MAGI2: variants seen among roughly 807,000 people sequenced by gnomAD.
MAGI2 encodes membrane-associated guanylate kinase, WW and PDZ domain-containing protein 2.
A neutral mutation model predicts 133.3 loss-of-function variants in MAGI2; 35 were observed. The ratio of observed to expected loss-of-function variants is 0.26; its 90% CI spans 0.20 to 0.35. The LOEUF (loss-of-function observed/expected upper bound fraction) is 0.35. Ranked by LOEUF, MAGI2 falls within the 10% of genes least tolerant of loss-of-function variation. The pLI, the probability that MAGI2 is intolerant of heterozygous loss-of-function variation, is 1.00. For missense variants in MAGI2, 1,636 were observed against 1,863.4 expected (o/e 0.88, Z 2.25); for synonymous variants, 729 against 710.6 (o/e 1.03, Z -0.41).
intron 1 of MAGI2, among the ~76,000 whole-genome samples, chr7:79,210,465 A>G (rs1304409322): frequency 6.6e-6 from 1 of 152,050 alleles, no homozygotes; most frequent in Non-Finnish European, 1.5e-5. Flanking sequence ...TCTTTAAAAA[A>G]TATGTGTGAT....
chr7:79,222,881 G>A (rs543219642), intron 1 of MAGI2, among the ~76,000 whole-genome samples: 2 of 151,308 alleles, frequency 1.3e-5, no homozygotes, highest in Non-Finnish European at 2.9e-5. Context: ...TTGTTTTTTT[G>A]TTTGTTTGTT....
intron 9 of MAGI2, among the ~76,000 whole-genome samples, chr7:78,333,863 C>T (rs1045743859): frequency 1.3e-5 from 2 of 152,182 alleles, no homozygotes; most frequent in Non-Finnish European, 2.9e-5. Context: ...TGAGTGAGAT[C>T]GCAGAATCAT....
chr7:78,411,821 T>G (rs374827617), intron 6 of MAGI2, among the ~76,000 whole-genome samples: 1 of 152,042 alleles, frequency 6.6e-6, no homozygotes, highest in South Asian at 2.1e-4. Context: ...TATCAAACCC[T>G]GATTCTTGAC....
intron 6 of MAGI2, among the ~76,000 whole-genome samples, chr7:78,409,270 C>T (rs997791502): frequency 6.6e-6 from 1 of 152,004 alleles, no homozygotes; most frequent in South Asian, 2.1e-4. Context: ...ATTTCTACAG[C>T]GCAGAATGCT....
chr7:78,743,943 C>T (rs959674977), intron 2 of MAGI2, among the ~76,000 whole-genome samples: 3 of 152,160 alleles, frequency 2.0e-5, no homozygotes, highest in Admixed American at 2.0e-4. Flanking sequence ...TCTTTGATCA[C>T]ACATTCTTTT....
At chr7:79,412,299 C>G (rs1238118188) in intron 1 of MAGI2, 1 of 152,094 alleles carries the variant, frequency 6.6e-6, no homozygotes, top group Non-Finnish European at 1.5e-5. Flanking sequence ...GGAGCAATTT[C>G]ACTGCAATGT....
At chr7:78,820,105 C>T (rs371400289) in intron 2 of MAGI2, among the ~76,000 whole-genome samples, 17 of 151,802 alleles carry the variant, frequency 1.1e-4, no homozygotes, top group African/African-American at 3.9e-4. Context: ...ACATCATAAG[C>T]TTGAAAAAAT....
At position 79,382,368 on chromosome 7, in the gene MAGI2, C is replaced by A. The variant is rs1399973157; in HGVS notation, c.301+70652G>T. Among the ~76,000 whole-genome samples the A allele has an allele frequency of 2.0e-5, 3 of 151,524 alleles. No individual in the cohort carries two copies. The Admixed American group carries it at 2.0e-4, about 10-fold the overall frequency. On this transcript the variant is annotated intron_variant, in intron 1 of 21. Transcript: ENST00000354212. ...ATTCTCCTGGAAGTATAATAAATTTCTACAATTTAATTATCATTATTAGAA... is the reference window on the plus strand; with the variant it reads ...ATTCTCCTGGAAGTATAATAAATTTATACAATTTAATTATCATTATTAGAA...
At chr7:78,963,929 T>C (rs1803083963) in intron 2 of MAGI2, among the ~76,000 whole-genome samples, 1 of 152,056 alleles carries the variant, frequency 6.6e-6, no homozygotes, top group Non-Finnish European at 1.5e-5. Context: ...CTGCACTGTG[T>C]TCCACAGAGG....
At chr7:78,127,830 T>TCA (rs913407578) in intron 18 of MAGI2, among the ~76,000 whole-genome samples, 6 of 152,288 alleles carry the variant, frequency 3.9e-5, no homozygotes, top group African/African-American at 1.2e-4. Context: ...CTTTTTTCTC[T>TCA]CACACACACC....
At chr7:78,109,303 C>CAAAAAAAAAAAAAAAAAAAAA (rs71085511) in intron 20 of MAGI2, among the ~76,000 whole-genome samples, 5 of 19,946 alleles carry the variant, frequency 2.5e-4, no homozygotes, top group African/African-American at 4.0e-4. Flanking sequence ...GACTCCGTCT[C>CAAAAAAAAAAAAAAAAAAAAA]AAAAAAAAAA....
intron 3 of MAGI2, 41 bp downstream of exon 3, chr7:78,627,079 T>G: frequency 6.5e-7 from 1 of 1,534,068 alleles, no homozygotes. Context: ...GAGAAAAATG[T>G]GATGCCAACA....
Position 78,557,444 on chromosome 7 carries a change from G to A in MAGI2, c.539-35799C>T, listed in dbSNP as rs559172522. On this transcript the variant is annotated intron_variant, in intron 3 of 21. Coordinates refer to ENST00000354212, the MANE Select transcript of MAGI2 (RefSeq NM_012301.4). ...GCCTTTCTTCCAGAGCAATTTTAGA[G>A]AGAAGGAATTTTTTGGCTATTCCCT... is the stretch of plus-strand genomic sequence containing the variant. Among the ~76,000 whole-genome samples the A allele has an allele frequency of 1.5e-4, 23 of 152,224 alleles. No homozygotes were observed. The South Asian group carries it at 4.2e-3, about 27-fold the overall frequency.
rs542709802 is a variant in MAGI2, at chr7:78,266,362, G to A, written c.1409-9781C>T. On this transcript the variant is annotated intron_variant, in intron 9 of 21. Transcript: ENST00000354212. ...GCTACAGGCTCATGCCACCATGTCT[G>A]GCTAATTTTTGTATATTTTGGTAGA... is the stretch of plus-strand genomic sequence containing the variant. Among the ~76,000 whole-genome samples the A allele has an allele frequency of 1.5e-4, 23 of 152,136 alleles. No individual in the cohort carries two copies. The South Asian group carries it at 4.8e-3, about 32-fold the overall frequency.
At chr7:78,168,364 G>T (rs750219733) in intron 14 of MAGI2, among the ~76,000 whole-genome samples, 4 of 152,134 alleles carry the variant, frequency 2.6e-5, no homozygotes, top group Non-Finnish European at 4.4e-5. Flanking sequence ...AGTAAAAAAT[G>T]AGATGTTGGA....
intron 2 of MAGI2, among the ~76,000 whole-genome samples, chr7:78,658,316 C>T (rs572759565): frequency 5.9e-5 from 9 of 152,212 alleles, no homozygotes; most frequent in South Asian, 4.1e-4. Context: ...CTTAACCTCA[C>T]GCATTTTACA....
intron 2 of MAGI2, among the ~76,000 whole-genome samples, chr7:78,813,469 C>T (rs932064902): frequency 6.6e-6 from 1 of 152,064 alleles, no homozygotes; most frequent in Non-Finnish European, 1.5e-5. Flanking sequence ...TTCAACTGTA[C>T]TCAATTTCAA....
At chr7:78,724,404 A>T (rs1295479816) in intron 2 of MAGI2, among the ~76,000 whole-genome samples, 1 of 152,196 alleles carries the variant, frequency 6.6e-6, no homozygotes, top group African/African-American at 2.4e-5. Flanking sequence ...AGCACCTATG[A>T]TGGTACCATA....
intron 3 of MAGI2, among the ~76,000 whole-genome samples, chr7:78,605,414 T>G (rs1805698131): frequency 6.6e-6 from 1 of 152,184 alleles, no homozygotes. Flanking sequence ...AGAGAAATAT[T>G]ACATGGCTGT....
Sources: gnomAD v4.1 joint callset for allele counts (sites outside exome capture counted in the v4.1 genomes callset) on GRCh38, gnomAD v4.1.1 for gene constraint, MANE v1.5 for transcripts, NCBI Gene and HGNC (gene_info 2026-07-23, HGNC 2026-07-21) for gene names.